Variants in KSR2 observed in about 807,000 individuals in gnomAD.
KSR2 encodes the protein kinase suppressor of ras 2.
A neutral mutation model predicts 107.8 loss-of-function variants in KSR2; 25 were observed. The ratio of observed to expected loss-of-function variants is 0.23; its 90% CI spans 0.17 to 0.32. The LOEUF (loss-of-function observed/expected upper bound fraction) is 0.32, where lower values mean the gene tolerates loss of function less well. Among genes scored for constraint, KSR2 ranks in the 10% least tolerant of loss-of-function variants. The probability of loss-of-function intolerance (pLI) is 1.00; values close to 1 mark genes in which losing one functional copy is unlikely to be tolerated. For synonymous variants in KSR2, 480 were observed against 507.0 expected (o/e 0.95, Z 0.71); for missense variants, 887 against 1,268.9 (o/e 0.70, Z 4.57).
At chr12:117,893,971 G>T (rs1015812508) in intron 1 of KSR2, among the ~76,000 whole-genome samples, 4 of 148,262 alleles carry the variant, frequency 2.7e-5, no homozygotes. Context: ...ATGCAGTGGC[G>T]CGATCTCGGC....
chr12:117,561,586 C>T (rs544937592), intron 7 of KSR2, among the ~76,000 whole-genome samples: 34 of 152,180 alleles, frequency 2.2e-4, no homozygotes, highest in African/African-American at 7.5e-4. Context: ...AACTTGCACT[C>T]TTTTTGCTTT....
intron 10 of KSR2, among the ~76,000 whole-genome samples, chr12:117,536,849 C>T (rs569265509): frequency 3.3e-5 from 5 of 152,356 alleles, no homozygotes; most frequent in African/African-American, 7.2e-5. Flanking sequence ...CAGATCTTTG[C>T]ACCCTAGTGC....
At position 117,905,234 on chromosome 12, in the gene KSR2, G is replaced by A. The variant is rs111659963; in HGVS notation, c.181-44803C>T. Among the ~76,000 whole-genome samples the A allele has an allele frequency of 3.0e-4, 45 of 152,086 alleles. 1 individual carries two copies. The highest frequency in any genetic ancestry group is 3.9e-4 in the Admixed American group (6 of 15,260). On this transcript the variant is annotated intron_variant, in intron 1 of 19. Coordinates refer to ENST00000339824, the MANE Select transcript of KSR2 (RefSeq NM_173598.6). ...ACAAAATATAATGTGTATTCTTCCC[G>A]TAGGAGATAGCTTATGATAAAAAAT...
Position 117,830,083 on chromosome 12 carries a change from C to T in KSR2, c.472+25345G>A, listed in dbSNP as rs376325206. Among the ~76,000 whole-genome samples the T allele has an allele frequency of 7.9e-5, 12 of 152,062 alleles. No individual in the cohort carries two copies. In the South Asian group the frequency reaches 8.3e-4, roughly 11 times the overall value. On this transcript the variant is annotated intron_variant, in intron 3 of 19. Transcript: ENST00000339824. ...AGGAGTTCGAGACCAGCTTGGCCAA[C>T]GTGGTGAAACCCCGCCTCTACTAAA...
intron 3 of KSR2, among the ~76,000 whole-genome samples, chr12:117,826,373 G>T (rs927762601): frequency 6.6e-6 from 1 of 152,048 alleles, no homozygotes. Flanking sequence ...CTGTGGCAAC[G>T]TCCTGTTCCT....
At chr12:117,788,551 G>A (rs1890154578) in intron 3 of KSR2, among the ~76,000 whole-genome samples, 1 of 152,206 alleles carries the variant, frequency 6.6e-6, no homozygotes, top group South Asian at 2.1e-4. Flanking sequence ...GCCCAGGCGG[G>A]AGTGCAGTGG....
intron 5 of KSR2, among the ~76,000 whole-genome samples, chr12:117,583,944 G>A (rs553069308): frequency 5.3e-5 from 8 of 152,156 alleles, no homozygotes; most frequent in Non-Finnish European, 1.0e-4. Context: ...TCTCTTCGGG[G>A]AGCCGGGCAT....
intron 16 of KSR2, among the ~76,000 whole-genome samples, chr12:117,483,356 G>T (rs1340041116): frequency 6.6e-6 from 1 of 151,176 alleles, no homozygotes; most frequent in African/African-American, 2.4e-5. Flanking sequence ...CGGGTTCCTG[G>T]GGCATTCCTC....
intron 1 of KSR2, among the ~76,000 whole-genome samples, chr12:117,932,552 C>CA (rs1010611022): frequency 6.6e-6 from 1 of 151,840 alleles, no homozygotes; most frequent in Non-Finnish European, 1.5e-5. Context: ...CCTATCTCTA[C>CA]AAAAAAATAC....
At chr12:117,509,656 C>A (rs1049521453) in intron 14 of KSR2, among the ~76,000 whole-genome samples, 4 of 152,182 alleles carry the variant, frequency 2.6e-5, no homozygotes, top group Non-Finnish European at 5.9e-5. Context: ...CACTTCCAAA[C>A]AAGTCTGCCG....
intron 4 of KSR2, among the ~76,000 whole-genome samples, chr12:117,750,544 G>T (rs1043613877): frequency 1.3e-5 from 2 of 152,018 alleles, no homozygotes; most frequent in African/African-American, 4.8e-5. Context: ...ACACGTGCAG[G>T]TTTGTCACAT....
chr12:117,784,365 C>G (rs1214107277), intron 3 of KSR2, among the ~76,000 whole-genome samples: 1 of 152,216 alleles, frequency 6.6e-6, no homozygotes, highest in Non-Finnish European at 1.5e-5. Flanking sequence ...TGTAAGACGT[C>G]CCTTTGCTCT....
intron 10 of KSR2, among the ~76,000 whole-genome samples, chr12:117,532,941 C>T (rs1875765660): frequency 6.6e-6 from 1 of 152,184 alleles, no homozygotes; most frequent in East Asian, 1.9e-4. Flanking sequence ...AATATTAGCA[C>T]AGTAGCTCAG....
intron 3 of KSR2, among the ~76,000 whole-genome samples, chr12:117,779,205 G>A (rs189147024): frequency 3.3e-5 from 5 of 152,298 alleles, no homozygotes; most frequent in South Asian, 2.1e-4. Context: ...CTGTGTAAAC[G>A]TCTATCAACC....
intron 1 of KSR2, among the ~76,000 whole-genome samples, chr12:117,870,601 A>AAAAAG (rs1330258453): frequency 1.3e-5 from 2 of 149,516 alleles, no homozygotes; most frequent in African/African-American, 5.1e-5. Flanking sequence ...ACACTGTCTC[A>AAAAAG]AAAAGAAAAG....
chr12:117,871,152 TG>T (rs1317088935), intron 1 of KSR2, among the ~76,000 whole-genome samples: 1 of 152,218 alleles, frequency 6.6e-6, no homozygotes, highest in African/African-American at 2.4e-5. Context: ...GAATGTGATA[TG>T]GGTCCAATCA....
chr12:117,732,948 G>A (rs972468640), intron 4 of KSR2, among the ~76,000 whole-genome samples: 8 of 152,184 alleles, frequency 5.3e-5, no homozygotes, highest in East Asian at 1.9e-4. Context: ...GCCATCAGCC[G>A]CCAGGAGCAG....
intron 4 of KSR2, among the ~76,000 whole-genome samples, chr12:117,678,389 G>A (rs868524382): frequency 2.6e-5 from 4 of 151,466 alleles, no homozygotes; most frequent in African/African-American, 7.3e-5. Context: ...GCTTTGGATC[G>A]CAGACATCTT....
intron 5 of KSR2, among the ~76,000 whole-genome samples, chr12:117,635,296 C>A (rs1883013968): frequency 6.6e-6 from 1 of 152,116 alleles, no homozygotes; most frequent in South Asian, 2.1e-4. Flanking sequence ...TTTTAAACAA[C>A]AAAGGGAGGG....
Sources: gnomAD v4.1 joint callset for allele counts (sites outside exome capture counted in the v4.1 genomes callset) on GRCh38, gnomAD v4.1.1 for gene constraint, MANE v1.5 for transcripts, NCBI Gene and HGNC (gene_info 2026-07-23, HGNC 2026-07-21) for gene names.